The following PMS1 variants were observed in gnomAD, a reference collection of about 807,000 sequenced individuals.
The protein encoded by PMS1 is PMS1 protein homolog 1.
PMS1 carries 79 observed loss-of-function variants against 93.1 expected under a neutral mutation model. That is an observed-to-expected ratio of 0.85 (90% CI 0.71 to 1.02). The LOEUF (loss-of-function observed/expected upper bound fraction) is 1.02. PMS1 is among the 50% of genes least tolerant of loss of function. PMS1 has a pLI of 0.00. For synonymous variants in PMS1, 335 were observed against 363.4 expected (o/e 0.92, Z 0.89); for missense variants, 1,064 against 1,085.3 (o/e 0.98, Z 0.28).
intron 9 of PMS1, among the ~76,000 whole-genome samples, chr2:189,860,531 G>C (rs375612325): frequency 5.3e-5 from 8 of 152,060 alleles, no homozygotes; most frequent in Admixed American, 6.6e-5. Flanking sequence ...GAGTAAAATT[G>C]TGTTGTTTAC....
chr2:189,784,986 T>C (rs1899024), intron 1 of PMS1, among the ~76,000 whole-genome samples: 1 of 152,200 alleles, frequency 6.6e-6, no homozygotes, highest in African/African-American at 2.4e-5. Context: ...ATTTTTGCTC[T>C]TGGCCTTCTG....
At position 189,853,997 on chromosome 2, in the gene PMS1, T is replaced by C; in HGVS notation, c.881T>C (p.Val294Ala). Residue 294 changes from valine to alanine, a missense_variant, in exon 8 of 13, where the codon GTT (valine) becomes GCT (alanine). Transcript: ENST00000441310. ...CLKESTRLYP[V>A]FFLKIDVPTA... ...AAGGAATCTACTCGTTTGTATCCTG[T>C]TTTCTTTCTGAAAATCGATGTTCCT... The C allele has an allele frequency of 6.2e-7, 1 of 1,608,720 alleles. No homozygotes were observed. Among genetic ancestry groups the C allele is most frequent in the Non-Finnish European group, 8.5e-7 (1 of 1,176,922 alleles).
chr2:189,793,989 C>G (rs139364500), intron 2 of PMS1, among the ~76,000 whole-genome samples: 5,736 of 152,286 alleles, frequency 0.038, 155 homozygotes, highest in African/African-American at 0.067. Flanking sequence ...CTGCTGACCT[C>G]AAGTGATCCA....
intron 4 of PMS1, among the ~76,000 whole-genome samples, chr2:189,816,732 C>G (rs189830911): frequency 2.6e-5 from 4 of 151,444 alleles, no homozygotes; most frequent in Middle Eastern, 3.2e-3. Flanking sequence ...CTTATACGTT[C>G]CTTATGATTG....
intron 6 of PMS1, among the ~76,000 whole-genome samples, chr2:189,845,939 G>A (rs919523407): frequency 2.6e-5 from 4 of 151,994 alleles, no homozygotes; most frequent in African/African-American, 9.7e-5. Context: ...GGCCGGGCTG[G>A]TCTCAAACTC....
Position 189,864,079 on chromosome 2 carries a change from G to A in PMS1, c.2193G>A (p.Arg731=). ...AACCTTGCTTGATCCACAATCTCAG[G>A]TTTCCTGATGCATGGCTAATGACAT... ...KDEPCLIHNL[R]FPDAWLMTSK... is the part of the protein sequence containing the mutation. The change falls in exon 10 of 13, where the codon AGG becomes AGA. Residue 731 remains arginine, a synonymous_variant. Transcript: ENST00000441310. The A allele has an allele frequency of 6.2e-7, 1 of 1,613,612 alleles. No homozygotes were observed. The highest frequency in any genetic ancestry group is 8.5e-7 in the Non-Finnish European group (1 of 1,179,752).
At chr2:189,806,846 A>G (rs1216291874) in intron 4 of PMS1, 1 of 211,742 alleles carries the variant, frequency 4.7e-6, no homozygotes. Context: ...TTACCTCTTT[A>G]GAGTCATGTT....
At chr2:189,839,423 AT>A (rs1164831646) in intron 5 of PMS1, among the ~76,000 whole-genome samples, 1 of 152,204 alleles carries the variant, frequency 6.6e-6, no homozygotes, top group Admixed American at 6.5e-5. Context: ...GTGACTCTAC[AT>A]TGCACGTAAG....
intron 6 of PMS1, among the ~76,000 whole-genome samples, chr2:189,848,446 A>G (rs1259832140): frequency 6.6e-6 from 1 of 152,198 alleles, no homozygotes; most frequent in Non-Finnish European, 1.5e-5. Flanking sequence ...AGTGAACGAG[A>G]CTATTGCATG....
At chr2:189,870,243 A>G (rs919912200) in intron 11 of PMS1, among the ~76,000 whole-genome samples, 4 of 152,164 alleles carry the variant, frequency 2.6e-5, no homozygotes, top group African/African-American at 2.4e-5. Context: ...CTTTGAATCA[A>G]CAGTTTGCCT....
At chr2:189,842,880 C>T (rs1463950340) in intron 5 of PMS1, among the ~76,000 whole-genome samples, 1 of 151,700 alleles carries the variant, frequency 6.6e-6, no homozygotes, top group Non-Finnish European at 1.5e-5. Context: ...ATACTTAGCT[C>T]AAGGGGGGAA....
At chr2:189,826,677 C>T (rs2052457957) in intron 5 of PMS1, among the ~76,000 whole-genome samples, 1 of 152,124 alleles carries the variant, frequency 6.6e-6, no homozygotes, top group Admixed American at 6.5e-5. Flanking sequence ...CTCAACTGCT[C>T]TCATTTTGTT....
At chr2:189,807,838 C>T (rs2050482188) in intron 4 of PMS1, among the ~76,000 whole-genome samples, 1 of 152,296 alleles carries the variant, frequency 6.6e-6, no homozygotes, top group Admixed American at 6.5e-5. Context: ...AGAATAAATA[C>T]TTAGAAGATC....
chr2:189,867,386 A>G (rs2056757072), intron 10 of PMS1, among the ~76,000 whole-genome samples: 2 of 152,218 alleles, frequency 1.3e-5, no homozygotes, highest in South Asian at 2.1e-4. Flanking sequence ...CCTAGAAGAA[A>G]GAGATTACAT....
intron 6 of PMS1, among the ~76,000 whole-genome samples, chr2:189,847,419 T>A (rs1308184721): frequency 6.6e-6 from 1 of 152,164 alleles, no homozygotes; most frequent in Non-Finnish European, 1.5e-5. Context: ...CCGTCTTTAA[T>A]TTTTTCCATA....
chr2:189,862,698 G>T (rs911019443), intron 9 of PMS1, among the ~76,000 whole-genome samples: 2 of 152,170 alleles, frequency 1.3e-5, no homozygotes, highest in African/African-American at 2.4e-5. Context: ...GGGAGAAGCT[G>T]TTTCAATTTT....
chr2:189,863,443 A>G (rs1190818860), intron 9 of PMS1, among the ~76,000 whole-genome samples: 1 of 151,810 alleles, frequency 6.6e-6, no homozygotes, highest in East Asian at 1.9e-4. Context: ...TAGTAGAGAC[A>G]GTGTTTCGCC....
intron 5 of PMS1, among the ~76,000 whole-genome samples, chr2:189,822,697 A>G (rs1575147401): frequency 6.6e-6 from 1 of 152,242 alleles, no homozygotes; most frequent in African/African-American, 2.4e-5. Flanking sequence ...CAGCTCGGCT[A>G]ATTGTTAGTA....
intron 9 of PMS1, among the ~76,000 whole-genome samples, chr2:189,861,256 A>T (rs1350071319): frequency 2.0e-5 from 3 of 152,030 alleles, no homozygotes. Flanking sequence ...ATGCATCCTT[A>T]TAATCTACTT....
Sources: gnomAD v4.1 joint callset for allele counts (sites outside exome capture counted in the v4.1 genomes callset) on GRCh38, gnomAD v4.1.1 for gene constraint, MANE v1.5 for transcripts, NCBI Gene and HGNC (gene_info 2026-07-23, HGNC 2026-07-21) for gene names.